The following ZC3H6 variants were observed in gnomAD, a reference collection of about 807,000 sequenced individuals.
ZC3H6 encodes the protein zinc finger CCCH-type containing 6, also known as zinc finger CCCH domain-containing protein 6.
In ZC3H6, 40 loss-of-function variants were observed where a neutral mutation model predicts 107.7. The observed-to-expected ratio is 0.37, with a 90% CI of 0.29 to 0.48. ZC3H6 has a LOEUF of 0.48. Among genes scored for constraint, ZC3H6 ranks in the 20% least tolerant of loss-of-function variants. The probability of loss-of-function intolerance (pLI) is 0.98; values close to 1 mark genes in which losing one functional copy is unlikely to be tolerated. For synonymous variants in ZC3H6, 493 were observed against 487.9 expected (o/e 1.01, Z -0.14); for missense variants, 1,267 against 1,410.4 (o/e 0.90, Z 1.63).
chr2:112,323,199 G>A (rs1676838601), intron 9 of ZC3H6, among the ~76,000 whole-genome samples: 1 of 152,182 alleles, frequency 6.6e-6, no homozygotes, highest in East Asian at 1.9e-4. Flanking sequence ...AGGCTGCATT[G>A]TCATTGATAA....
chr2:112,279,186 G>A (rs150719078), intron 1 of ZC3H6, among the ~76,000 whole-genome samples: 118 of 152,234 alleles, frequency 7.8e-4, no homozygotes, highest in African/African-American at 2.6e-3. Context: ...TATAATTCTG[G>A]TCTCTCGTCG....
rs1368663309 is a variant in ZC3H6, at chr2:112,299,966, A to G, written c.150A>G (p.Arg50=). 2 of 1,508,754 alleles carry G rather than the reference A, an allele frequency of 1.3e-6. No individual in the cohort carries two copies. The highest frequency in any genetic ancestry group is 8.8e-7 in the Non-Finnish European group (1 of 1,130,280). 93.5% of individuals were successfully genotyped at this position (1,508,754 alleles called of 1,614,324 possible). A position where few individuals can be genotyped will look rare whatever the true frequency, so the allele number is the denominator to read the frequency against. The stretch of plus-strand genomic sequence containing the variant: ...GTGAGAAAGCCTACAGAAAATCAAG[A>G]AAAAAACATAAGAAAGAGAGAGAGA... ...QKSEKAYRKS[R]KKHKKEREKK... Residue 50 remains arginine (R), a synonymous_variant, in exon 2 of 12, where the codon AGA becomes AGG. Coordinates refer to ENST00000409871, the MANE Select transcript of ZC3H6 (RefSeq NM_198581.3).
At chr2:112,321,996 G>A (rs1676809239) in intron 8 of ZC3H6, 131 bp downstream of exon 8, 1 of 474,074 alleles carries the variant, frequency 2.1e-6, no homozygotes, top group African/African-American at 2.0e-5. Flanking sequence ...TATTCTATTT[G>A]AGCAATATTC....
chr2:112,299,175 G>A (rs977186334), intron 1 of ZC3H6, among the ~76,000 whole-genome samples: 7 of 151,828 alleles, frequency 4.6e-5, no homozygotes, highest in African/African-American at 1.7e-4. Flanking sequence ...TACTTGGGAG[G>A]CTGAGGCAGT....
chr2:112,332,536 C>A lies in ZC3H6; in HGVS notation c.*48C>A. On this transcript the variant is annotated 3_prime_UTR_variant, in exon 12 of 12. Coordinates refer to ENST00000409871, the MANE Select transcript of ZC3H6 (RefSeq NM_198581.3). The stretch of plus-strand genomic sequence containing the variant: ...TTTTCACTCTTGTGACTATCTCAGT[C>A]CTCTGCTGTTTTGTAACTGGTTTAC... The A allele has an allele frequency of 2.6e-6, 4 of 1,526,500 alleles. No homozygotes were observed. Among genetic ancestry groups the A allele is most frequent in the South Asian group, 1.3e-5 (1 of 77,402 alleles). 94.6% of individuals were successfully genotyped at this position (1,526,500 alleles called of 1,614,324 possible).
rs886935977 is a variant in ZC3H6 at position 112,339,068 on chromosome 2, T to C, written c.*6580T>C. ...CACCACACCCAGCTAATTTTTCGTATTTTTTAGTAGAGATGGGGTTTCACC... is the reference window on the plus strand; with the variant it reads ...CACCACACCCAGCTAATTTTTCGTACTTTTTAGTAGAGATGGGGTTTCACC... On this transcript the variant is annotated 3_prime_UTR_variant, in exon 12 of 12. Coordinates refer to ENST00000409871, the MANE Select transcript of ZC3H6 (RefSeq NM_198581.3). 6 of 151,578 alleles carry C rather than the reference T, an allele frequency of 4.0e-5. No individual in the cohort carries two copies. The highest frequency in any genetic ancestry group is 1.5e-4 in the African/African-American group (6 of 41,310). 9.4% of individuals were successfully genotyped at this position (151,578 alleles called of 1,614,324 possible). A position where few individuals can be genotyped will look rare whatever the true frequency, so the allele number is the denominator to read the frequency against.
At chr2:112,295,120 C>G (rs954365074) in intron 1 of ZC3H6, among the ~76,000 whole-genome samples, 3 of 152,048 alleles carry the variant, frequency 2.0e-5, no homozygotes, top group African/African-American at 7.2e-5. Flanking sequence ...TCCTAATCTA[C>G]TTTGTATCTG....
chr2:112,278,672 GA>G (rs1045701461), intron 1 of ZC3H6, among the ~76,000 whole-genome samples: 6 of 151,608 alleles, frequency 4.0e-5, no homozygotes, highest in Non-Finnish European at 8.8e-5. Context: ...GTGTATGCAG[GA>G]AAAAAAATGA....
chr2:112,297,782 TTTTTG>T (rs147453676), intron 1 of ZC3H6, among the ~76,000 whole-genome samples: 3,593 of 152,272 alleles, frequency 0.024, 156 homozygotes, highest in African/African-American at 0.082. Flanking sequence ...AAAATTTGGT[TTTTTG>T]TTTGTTTGTT....
chr2:112,310,401 A>T (rs193230104), intron 4 of ZC3H6, among the ~76,000 whole-genome samples: 1 of 152,354 alleles, frequency 6.6e-6, no homozygotes, highest in African/African-American at 2.4e-5. Context: ...ATAAAAATGC[A>T]ATACAACTTT....
chr2:112,315,551 T>C (rs1176490692), intron 5 of ZC3H6, among the ~76,000 whole-genome samples: 1 of 152,070 alleles, frequency 6.6e-6, no homozygotes, highest in Admixed American at 6.6e-5. Context: ...AGAATTGGGA[T>C]CAATTTTTTA....
Position 112,338,564 on chromosome 2 carries a change from A to G in ZC3H6, c.*6076A>G. On this transcript the variant is annotated 3_prime_UTR_variant, in exon 12 of 12. Coordinates refer to ENST00000409871, the MANE Select transcript of ZC3H6 (RefSeq NM_198581.3). ...CTTGTTTTTTAAGCTTAGAGTTTAT[A>G]AGAAAAAAGTGAATATATAGCTAAT... 6.6e-6 allele frequency: 1 copy of G among 152,030 alleles called. No individual in the cohort carries two copies. 9.4% of individuals were successfully genotyped at this position (152,030 alleles called of 1,614,324 possible). A position where few individuals can be genotyped will look rare whatever the true frequency, so the allele number is the denominator to read the frequency against.
chr2:112,325,120 T>C lies in ZC3H6; in HGVS notation c.2009T>C (p.Val670Ala). ...CCTGCAGTGCAAAGAGCTCTTTTTG[T>C]AAGACTTACTCAGAGATACCAAGAA... is the stretch of plus-strand genomic sequence containing the variant. ...LLPAVQRALFVRLTQRYQEDE... is the reference protein window; with the variant it reads ...LLPAVQRALFARLTQRYQEDE... The change falls in exon 11 of 12, where the codon GTA (valine) becomes GCA (alanine). Residue 670 changes from valine to alanine, a missense_variant. Physicochemically the swap from Val to Ala is moderately conservative, Grantham distance 64 (BLOSUM62 0). Transcript: ENST00000409871. 2 of 1,614,002 alleles carry C rather than the reference T, an allele frequency of 1.2e-6. No homozygotes were observed. Among genetic ancestry groups the C allele is most frequent in the Non-Finnish European group, 1.7e-6 (2 of 1,179,892 alleles).
chr2:112,306,135 G>C (rs1676472866), intron 3 of ZC3H6, among the ~76,000 whole-genome samples: 2 of 151,238 alleles, frequency 1.3e-5, no homozygotes, highest in Admixed American at 6.6e-5. Flanking sequence ...GAAAATAGCA[G>C]ACTTCAGATA....
intron 3 of ZC3H6, among the ~76,000 whole-genome samples, chr2:112,307,327 C>G (rs144551797): frequency 1.3e-5 from 2 of 152,020 alleles, no homozygotes; most frequent in Admixed American, 1.3e-4. Context: ...TTTTTCAGGG[C>G]CTCCTTTTCC....
chr2:112,323,390 C>T (rs1676842036), intron 9 of ZC3H6, among the ~76,000 whole-genome samples: 1 of 152,128 alleles, frequency 6.6e-6, no homozygotes, highest in South Asian at 2.1e-4. Context: ...GTTGAGCATT[C>T]GTTTAGTCCT....
At chr2:112,291,963 C>T (rs115133576) in intron 1 of ZC3H6, among the ~76,000 whole-genome samples, 2,172 of 152,328 alleles carry the variant, frequency 0.014, 52 homozygotes, top group African/African-American at 0.049. Context: ...AGCGATCTGC[C>T]TGCCTTGGCC....
chr2:112,331,574 C>A lies in ZC3H6; in HGVS notation c.2656C>A (p.Pro886Thr). Residue 886 changes from proline (P) to threonine (T), a missense_variant, in exon 12 of 12, where the codon CCA becomes ACA. Coordinates refer to ENST00000409871, the MANE Select transcript of ZC3H6 (RefSeq NM_198581.3). ...CGTGTGGGCTCCCGAAGACTTACTT[C>A]CAGTACCTTTACCTAAACCTGATCC... ...HIVWAPEDLL[P>T]VPLPKPDPVS... 6.2e-7 allele frequency: 1 copy of A among 1,613,944 alleles called. No individual in the cohort carries two copies. The highest frequency in any genetic ancestry group is 1.1e-5 in the South Asian group (1 of 91,074).
intron 1 of ZC3H6, among the ~76,000 whole-genome samples, chr2:112,298,637 G>A (rs764154214): frequency 2.6e-5 from 4 of 152,250 alleles, no homozygotes; most frequent in East Asian, 1.9e-4. Flanking sequence ...CCGAGTTATC[G>A]GCAAGCAATC....
Sources: gnomAD v4.1 joint callset for allele counts (sites outside exome capture counted in the v4.1 genomes callset) on GRCh38, gnomAD v4.1.1 for gene constraint, MANE v1.5 for transcripts, NCBI Gene and HGNC (gene_info 2026-07-23, HGNC 2026-07-21) for gene names.